Variants in TINAG observed in about 807,000 individuals in gnomAD.
TINAG encodes tubulointerstitial nephritis antigen.
Under a neutral mutation model 72.7 loss-of-function variants are expected in TINAG, and 83 were observed. That is an observed-to-expected ratio of 1.14 (90% CI 0.96 to 1.37). TINAG has a LOEUF of 1.37. TINAG is among the 40% of genes most tolerant of loss of function. The pLI is 0.00. For missense variants in TINAG, 685 were observed against 576.6 expected (o/e 1.19, Z -1.93); for synonymous variants, 234 against 189.9 (o/e 1.23, Z -1.91).
Position 54,347,536 on chromosome 6 carries a change from T to C in TINAG, c.899+19T>C. The stretch of plus-strand genomic sequence containing the variant: ...AACGTGGGTAAATAGCTGCTCAACA[T>C]GTGTTTCTAGGATTTTTATGAATGA... On this transcript the variant is annotated intron_variant, in intron 6 of 10. Transcript: ENST00000259782. 1.2e-6 allele frequency: 2 copies of C among 1,610,190 alleles called. No homozygotes were observed. The highest frequency in any genetic ancestry group is 1.1e-5 in the South Asian group (1 of 90,596).
At chr6:54,322,343 A>G (rs1011480564) in intron 3 of TINAG, among the ~76,000 whole-genome samples, 10 of 150,798 alleles carry the variant, frequency 6.6e-5, no homozygotes, top group African/African-American at 2.5e-4. Flanking sequence ...CAAAAAAAAA[A>G]CAAGAAACAT....
intron 4 of TINAG, among the ~76,000 whole-genome samples, chr6:54,337,822 C>T (rs538411926): frequency 2.4e-3 from 362 of 152,198 alleles, no homozygotes; most frequent in Middle Eastern, 6.8e-3. Flanking sequence ...GCTGATGGTG[C>T]GGTAGAAGAG....
intron 9 of TINAG, among the ~76,000 whole-genome samples, chr6:54,366,721 A>T (rs955136188): frequency 6.6e-6 from 1 of 151,596 alleles, no homozygotes; most frequent in African/African-American, 2.4e-5. Flanking sequence ...GAAGGCACAT[A>T]ATTCCAAATC....
intron 4 of TINAG, among the ~76,000 whole-genome samples, chr6:54,340,631 A>G (rs2150952628): frequency 6.6e-6 from 1 of 152,232 alleles, no homozygotes; most frequent in East Asian, 1.9e-4. Context: ...GCTGCTCCTC[A>G]AATCCTAGGA....
intron 9 of TINAG, among the ~76,000 whole-genome samples, chr6:54,371,757 G>A (rs1022807576): frequency 3.3e-5 from 5 of 151,916 alleles, no homozygotes; most frequent in South Asian, 4.2e-4. Flanking sequence ...TAGGAATTTG[G>A]TCATTTACAC....
upstream of TINAG, chr6:54,308,215 A>AT (rs1489916078): frequency 4.2e-6 from 5 of 1,184,840 alleles, no homozygotes; most frequent in East Asian, 2.6e-5. Context: ...AAGAACCTAG[A>AT]TTTTTTGAGA....
chr6:54,364,758 T>A (rs1442762933), intron 9 of TINAG, among the ~76,000 whole-genome samples: 1 of 151,408 alleles, frequency 6.6e-6, no homozygotes, highest in African/African-American at 2.4e-5. Context: ...CATAAACCAT[T>A]GATATCTCTA....
chr6:54,327,796 T>G (rs1022247267), intron 4 of TINAG, among the ~76,000 whole-genome samples: 5 of 152,050 alleles, frequency 3.3e-5, no homozygotes, highest in Non-Finnish European at 7.4e-5. Context: ...TACTGAGGCT[T>G]GAGTAGGCGG....
At chr6:54,328,797 A>G (rs9474807) in intron 4 of TINAG, among the ~76,000 whole-genome samples, 13,521 of 151,820 alleles carry the variant, frequency 0.089, 1,140 homozygotes, top group East Asian at 0.44. Flanking sequence ...TGGAGCTGAA[A>G]AAACACAACA....
chr6:54,360,052 A>C (rs920176721), intron 9 of TINAG, among the ~76,000 whole-genome samples: 2 of 151,820 alleles, frequency 1.3e-5, no homozygotes, highest in Non-Finnish European at 2.9e-5. Flanking sequence ...GAACTGGGAA[A>C]TACAAGGAGG....
At chr6:54,343,006 A>T (rs1210054202) in intron 4 of TINAG, among the ~76,000 whole-genome samples, 1 of 152,036 alleles carries the variant, frequency 6.6e-6, no homozygotes, top group Non-Finnish European at 1.5e-5. Context: ...CATTCTATGT[A>T]TTTTTCTCAT....
At chr6:54,384,455 G>T (rs1019739529) in intron 10 of TINAG, among the ~76,000 whole-genome samples, 1 of 151,916 alleles carries the variant, frequency 6.6e-6, no homozygotes, top group African/African-American at 2.4e-5. Flanking sequence ...AATTTAAAAA[G>T]TCACTATTTA....
intron 4 of TINAG, 113 bp from the exon 5 acceptor site, chr6:54,343,113 T>A: frequency 1.0e-6 from 1 of 955,738 alleles, no homozygotes; most frequent in Non-Finnish European, 1.4e-6. Flanking sequence ...TCTGGAAACT[T>A]GGATGTATAA....
At chr6:54,370,733 G>A (rs139546545) in intron 9 of TINAG, among the ~76,000 whole-genome samples, 1 of 152,178 alleles carries the variant, frequency 6.6e-6, no homozygotes, top group African/African-American at 2.4e-5. Context: ...GAGTAGAGGT[G>A]CAGAGGGCCC....
intron 1 of TINAG, among the ~76,000 whole-genome samples, chr6:54,318,617 G>A (rs1161200915): frequency 2.0e-5 from 3 of 152,096 alleles, no homozygotes; most frequent in Admixed American, 2.0e-4. Flanking sequence ...GGCCTTATAG[G>A]TTACAGTAAG....
intron 4 of TINAG, among the ~76,000 whole-genome samples, chr6:54,334,093 T>C (rs1328467156): frequency 6.6e-6 from 1 of 152,228 alleles, no homozygotes; most frequent in Non-Finnish European, 1.5e-5. Context: ...CCTCTCTTGT[T>C]ATTACAAACC....
Position 54,389,879 on chromosome 6 carries a change from T to C in TINAG, c.1385T>C (p.Leu462Ser). Residue 462 changes from leucine (L) to serine (S), a missense_variant, in exon 11 of 11, where the codon TTG (leucine) becomes TCG (serine). Leu to Ser is a moderately radical substitution (Grantham distance 145). Coordinates refer to ENST00000259782, the MANE Select transcript of TINAG (RefSeq NM_014464.4). ...GTAAATGAGTCCGACATTGAAAAGTTGATTATCGCAGCTTGGGGCCAACTG... is the reference window on the plus strand; with the variant it reads ...GTAAATGAGTCCGACATTGAAAAGTCGATTATCGCAGCTTGGGGCCAACTG... ...RGVNESDIEK[L>S]IIAAWGQLTS... The C allele has an allele frequency of 6.2e-7, 1 of 1,611,194 alleles. No homozygotes were observed. The highest frequency in any genetic ancestry group is 1.1e-5 in the South Asian group (1 of 90,386).
intron 4 of TINAG, among the ~76,000 whole-genome samples, chr6:54,337,459 G>T (rs552234818): frequency 7.6e-4 from 116 of 152,034 alleles, no homozygotes; most frequent in African/African-American, 2.7e-3. Context: ...TTGCCATGTT[G>T]GCCAGGCTGG....
intron 9 of TINAG, among the ~76,000 whole-genome samples, chr6:54,369,123 T>G (rs570805316): frequency 7.9e-5 from 12 of 152,038 alleles, no homozygotes; most frequent in Middle Eastern, 6.8e-3. Flanking sequence ...TATGTAATGT[T>G]TGTAAGAAAA....
Sources: gnomAD v4.1 joint callset for allele counts (sites outside exome capture counted in the v4.1 genomes callset) on GRCh38, gnomAD v4.1.1 for gene constraint, MANE v1.5 for transcripts, NCBI Gene and HGNC (gene_info 2026-07-23, HGNC 2026-07-21) for gene names.